ENOX1: variants seen among roughly 807,000 people sequenced by gnomAD.
ENOX1 encodes the protein ecto-NOX disulfide-thiol exchanger 1, also known as candidate growth-related and time keeping constitutive hydroquinone (NADH) oxidase.
A neutral mutation model predicts 82.5 loss-of-function variants in ENOX1; 42 were observed. That is an observed-to-expected ratio of 0.51 (90% CI 0.40 to 0.66). ENOX1 has a LOEUF of 0.66. Ranked by LOEUF, ENOX1 falls within the 30% of genes least tolerant of loss-of-function variation. ENOX1 has a pLI of 0.00. For synonymous variants in ENOX1, 271 were observed against 282.2 expected (o/e 0.96, Z 0.40); for missense variants, 608 against 811.6 (o/e 0.75, Z 3.05).
intron 11 of ENOX1, among the ~76,000 whole-genome samples, chr13:43,307,877 G>C (rs909728115): frequency 9.2e-5 from 14 of 152,248 alleles, no homozygotes; most frequent in Non-Finnish European, 1.8e-4. Flanking sequence ...GGAGAGGCCA[G>C]GCTGAACCTC....
chr13:43,475,324 C>T (rs192929841), intron 3 of ENOX1, among the ~76,000 whole-genome samples: 24 of 152,170 alleles, frequency 1.6e-4, no homozygotes, highest in Admixed American at 1.4e-3. Context: ...AGATGGCCAG[C>T]GGAGCAGCAA....
At chr13:43,753,827 A>C (rs2153831959) in intron 1 of ENOX1, among the ~76,000 whole-genome samples, 1 of 152,300 alleles carries the variant, frequency 6.6e-6, no homozygotes, top group East Asian at 1.9e-4. Flanking sequence ...AGAGAAACTC[A>C]GGGGCCTATT....
chr13:43,696,692 T>C (rs1484613394), intron 1 of ENOX1, among the ~76,000 whole-genome samples: 1 of 151,984 alleles, frequency 6.6e-6, no homozygotes, highest in African/African-American at 2.4e-5. Context: ...AAACAACACA[T>C]GGATGCACGC....
At chr13:43,656,641 A>G (rs2084446813) in intron 2 of ENOX1, among the ~76,000 whole-genome samples, 1 of 152,186 alleles carries the variant, frequency 6.6e-6, no homozygotes. Context: ...CTATAGGACT[A>G]AAAAATGAGA....
At chr13:43,525,328 T>C (rs74831292) in intron 2 of ENOX1, among the ~76,000 whole-genome samples, 3,876 of 152,234 alleles carry the variant, frequency 0.025, 78 homozygotes, top group Admixed American at 0.063. Flanking sequence ...ATGTGACTAC[T>C]CTAGGTACTT....
intron 2 of ENOX1, among the ~76,000 whole-genome samples, chr13:43,585,735 G>T (rs746171978): frequency 6.6e-6 from 1 of 151,966 alleles, no homozygotes; most frequent in Non-Finnish European, 1.5e-5. Context: ...CTGCCACCAC[G>T]CCCCATTAAT....
chr13:43,313,616 C>T (rs2047329910), intron 11 of ENOX1, among the ~76,000 whole-genome samples: 1 of 152,042 alleles, frequency 6.6e-6, no homozygotes, highest in African/African-American at 2.4e-5. Flanking sequence ...GTAATTACAC[C>T]ATCTGGTGAT....
chr13:43,690,708 T>C (rs1295675808), intron 1 of ENOX1, among the ~76,000 whole-genome samples: 1 of 152,204 alleles, frequency 6.6e-6, no homozygotes, highest in African/African-American at 2.4e-5. Context: ...CCAACAAGTC[T>C]TTCTTATTGC....
chr13:43,446,691 C>T (rs796685934), intron 3 of ENOX1, among the ~76,000 whole-genome samples: 51 of 152,338 alleles, frequency 3.3e-4, no homozygotes, highest in African/African-American at 1.2e-3. Flanking sequence ...AACCTTCAGC[C>T]TTGGCTTGCC....
chr13:43,501,792 C>A (rs199733015), intron 2 of ENOX1, among the ~76,000 whole-genome samples: 1,074 of 124,328 alleles, frequency 8.6e-3, no homozygotes, highest in Middle Eastern at 0.022. Flanking sequence ...CCTACCTTAA[C>A]AAAAAAAAAA....
intron 2 of ENOX1, among the ~76,000 whole-genome samples, chr13:43,577,700 G>A (rs1008477862): frequency 5.9e-5 from 9 of 152,152 alleles, no homozygotes; most frequent in Admixed American, 1.3e-4. Flanking sequence ...CTGGGGACTC[G>A]GTTTCCAACA....
intron 12 of ENOX1, among the ~76,000 whole-genome samples, chr13:43,286,883 T>G (rs1435602284): frequency 6.6e-6 from 1 of 152,054 alleles, no homozygotes; most frequent in Non-Finnish European, 1.5e-5. Flanking sequence ...AGGCAATGGG[T>G]TTTTGCCAGT....
intron 2 of ENOX1, among the ~76,000 whole-genome samples, chr13:43,613,387 A>C (rs1033390527): frequency 9.9e-5 from 15 of 152,174 alleles, no homozygotes; most frequent in Non-Finnish European, 5.9e-5. Flanking sequence ...CCTGAACGTA[A>C]ATGAAAAAAT....
chr13:43,416,634 C>T (rs2153603119), intron 3 of ENOX1, among the ~76,000 whole-genome samples: 2 of 150,356 alleles, frequency 1.3e-5, no homozygotes, highest in Admixed American at 1.3e-4. Context: ...AGAGACGCTC[C>T]TCACATCCCA....
intron 5 of ENOX1, among the ~76,000 whole-genome samples, chr13:43,382,234 T>C (rs1210927804): frequency 6.6e-6 from 1 of 152,020 alleles, no homozygotes; most frequent in Non-Finnish European, 1.5e-5. Flanking sequence ...ACCAAAGTAG[T>C]AGACTAAAAA....
chr13:43,304,426 G>GTAA (rs1004252225), intron 11 of ENOX1, among the ~76,000 whole-genome samples: 1 of 152,160 alleles, frequency 6.6e-6, no homozygotes, highest in Non-Finnish European at 1.5e-5. Context: ...ATTCCTCCAT[G>GTAA]TAATGCCACC....
intron 5 of ENOX1, among the ~76,000 whole-genome samples, chr13:43,406,553 C>T (rs929320591): frequency 1.2e-4 from 17 of 147,816 alleles, no homozygotes; most frequent in Admixed American, 9.5e-4. Context: ...AGTGCAGTGG[C>T]GCCATCTCGG....
chr13:43,455,306 G>T (rs1594711683), intron 3 of ENOX1, among the ~76,000 whole-genome samples: 2 of 152,136 alleles, frequency 1.3e-5, no homozygotes, highest in East Asian at 3.9e-4. Flanking sequence ...CTTTTACCAG[G>T]TATGATCTTT....
chr13:43,467,505 T>TATTTTAAAATTTTAAAATTTAAA (rs531448653), intron 3 of ENOX1, among the ~76,000 whole-genome samples: 2,138 of 131,212 alleles, frequency 0.016, 55 homozygotes, highest in African/African-American at 0.059. Context: ...GGACAAATGT[T>TATTTTAAAATTTTAAAATTTAAA]ATTTTAAAAT....
Sources: allele counts gnomAD v4.1 joint callset (sites outside exome capture counted in the v4.1 genomes callset), GRCh38; gene constraint gnomAD v4.1.1; transcripts MANE v1.5; gene names NCBI Gene and HGNC (gene_info 2026-07-23, HGNC 2026-07-21).